The following ASB4 variants were observed in gnomAD, a reference collection of about 807,000 sequenced individuals.
ASB4 encodes ankyrin repeat and SOCS box containing 4, also known as ankyrin repeat and SOCS box protein 4.
In ASB4, 35 loss-of-function variants were observed where a neutral mutation model predicts 38.6. The observed-to-expected ratio is 0.91, with a 90% CI of 0.69 to 1.20. ASB4 has a LOEUF of 1.20. ASB4 is among the 50% of genes most tolerant of loss of function. The pLI is 0.00. For synonymous variants in ASB4, 195 were observed against 201.3 expected (o/e 0.97, Z 0.26); for missense variants, 557 against 527.2 (o/e 1.06, Z -0.55).
the ASB4 span, among the ~76,000 whole-genome samples, chr7:95,550,101 C>T: frequency 6.6e-6 from 1 of 152,156 alleles, no homozygotes; most frequent in Non-Finnish European, 1.5e-5. Context: ...ACTTTATGAA[C>T]CATGGTTTAC....
Position 95,528,062 on chromosome 7 carries a change from A to T in ASB4, c.737A>T (p.Asn246Ile), listed in dbSNP as rs1283344702. 1 of 1,614,192 alleles carries T rather than the reference A, an allele frequency of 6.2e-7. No individual in the cohort carries two copies. Among genetic ancestry groups the T allele is most frequent in the Non-Finnish European group, 8.5e-7 (1 of 1,180,038 alleles). Residue 246 changes from asparagine to isoleucine, a missense_variant, in exon 3 of 5, where the codon AAT becomes ATT. Asn to Ile is a moderately radical substitution (Grantham distance 149). Transcript: ENST00000325885. ...RMLLDYKAEV[N>I]ARDDDFKSPL... is the part of the protein sequence containing the mutation. The stretch of plus-strand genomic sequence containing the variant: ...CTGCTTGACTACAAAGCCGAAGTCA[A>T]TGCCCGAGATGACGACTTTAAATCT...
the ASB4 span, among the ~76,000 whole-genome samples, chr7:95,548,008 A>G: frequency 4.6e-5 from 7 of 152,196 alleles, no homozygotes; most frequent in Non-Finnish European, 1.5e-5. Flanking sequence ...GAGAGTCTTG[A>G]CTAATACAAT....
chr7:95,543,374 C>T (rs1584101987), downstream of ASB4: 2 of 125,410 alleles, frequency 1.6e-5, no homozygotes, highest in East Asian at 2.8e-4. Flanking sequence ...CCACAGATAG[C>T]CCTTAATTAG....
At chr7:95,546,342 C>A in the ASB4 span, among the ~76,000 whole-genome samples, 1 of 152,198 alleles carries the variant, frequency 6.6e-6, no homozygotes, top group Non-Finnish European at 1.5e-5. Context: ...CATTTGTAGA[C>A]ATGGGCCGCA....
At chr7:95,496,170 C>A in intron 2 of ASB4, 113 bp downstream of exon 2, 3 of 990,694 alleles carry the variant, frequency 3.0e-6, no homozygotes, top group Admixed American at 2.4e-5. Flanking sequence ...TGCAATTATG[C>A]CTAGTACAGA....
In ASB4 at chr7:95,480,875, C is replaced by A. The variant is rs114649731; in HGVS notation, n.157+2275C>A. Among the ~76,000 whole-genome samples, 945 of 152,006 alleles carry A rather than the reference C, an allele frequency of 6.2e-3. 11 individuals carry two copies. Among genetic ancestry groups the A allele is most frequent in the African/African-American group, 0.022 (910 of 41,414 alleles). On this transcript the variant is annotated intron_variant and non_coding_transcript_variant, in intron 1 of 1. Coordinates refer to the ASB4 transcript ENST00000257621. ...TACAGTGTCTGGCTCATAGTAAGTTCCCAAAAAATATTTATTGAATGAAGG... is the reference window on the plus strand; with the variant it reads ...TACAGTGTCTGGCTCATAGTAAGTTACCAAAAAATATTTATTGAATGAAGG...
chr7:95,471,253 C>T, the ASB4 span, among the ~76,000 whole-genome samples: 6 of 152,122 alleles, frequency 3.9e-5, no homozygotes, highest in African/African-American at 1.4e-4. Context: ...CCATGGAAAA[C>T]AGAGTTGGTG....
chr7:95,500,745 C>T (rs752063174), intron 2 of ASB4, among the ~76,000 whole-genome samples: 6 of 152,034 alleles, frequency 3.9e-5, no homozygotes, highest in African/African-American at 9.7e-5. Context: ...AAGACTGGAA[C>T]CTTTCAGTTA....
chr7:95,534,875 C>T (rs1790866923), intron 3 of ASB4, among the ~76,000 whole-genome samples: 1 of 152,268 alleles, frequency 6.6e-6, no homozygotes, highest in Admixed American at 6.5e-5. Flanking sequence ...AATATCATCC[C>T]TTCTCGTTAA....
At chr7:95,513,607 C>T (rs566238288) in intron 2 of ASB4, among the ~76,000 whole-genome samples, 1 of 152,256 alleles carries the variant, frequency 6.6e-6, no homozygotes, top group East Asian at 1.9e-4. Context: ...AAAACAACAT[C>T]ACAGAAACAT....
At chr7:95,537,389 C>A (rs770020838) in intron 4 of ASB4, among the ~76,000 whole-genome samples, 182 bp from the exon 5 acceptor site, 48 of 152,152 alleles carry the variant, frequency 3.2e-4, no homozygotes, top group Non-Finnish European at 6.3e-4. Flanking sequence ...TTTCCCCTCC[C>A]CTTTCCTTGT....
rs1427287729 is a variant in ASB4, at chr7:95,538,362, A to G, written c.*603A>G. The G allele has an allele frequency of 2.0e-5, 3 of 152,276 alleles. No individual in the cohort carries two copies. The highest frequency in any genetic ancestry group is 2.9e-5 in the Non-Finnish European group (2 of 68,090). 9.4% of individuals were successfully genotyped at this position (152,276 alleles called of 1,614,324 possible). On this transcript the variant is annotated 3_prime_UTR_variant, in exon 5 of 5. Coordinates refer to ENST00000325885, the MANE Select transcript of ASB4 (RefSeq NM_016116.3). The stretch of plus-strand genomic sequence containing the variant: ...AGAAACATCAGTCCAGTTAATAGTC[A>G]AGAATGGACATTTGAACCAGACATC...
upstream of ASB4, among the ~76,000 whole-genome samples, chr7:95,476,848 C>T (rs1789982321): frequency 6.6e-6 from 1 of 152,182 alleles, no homozygotes; most frequent in African/African-American, 2.4e-5. Context: ...GAATGTTCTT[C>T]TTAATACCAT....
At chr7:95,515,378 TTTC>T (rs1790568667) in intron 2 of ASB4, among the ~76,000 whole-genome samples, 1 of 147,812 alleles carries the variant, frequency 6.8e-6, no homozygotes, top group Non-Finnish European at 1.5e-5. Flanking sequence ...CTTTCTTTCT[TTTC>T]TTTTCTTTTT....
chr7:95,486,165 AC>A lies in ASB4; in HGVS notation c.187+8del. The A allele has an allele frequency of 6.2e-7, 1 of 1,609,462 alleles. No individual in the cohort carries two copies. The highest frequency in any genetic ancestry group is 8.5e-7 in the Non-Finnish European group (1 of 1,176,680). The stretch of plus-strand genomic sequence containing the variant: ...TTGGCATCTTATAAACAAGGTAAAA[AC>A]ATATAGGTGTTATTGTAGAACTGTT... On this transcript the variant is annotated splice_region_variant and intron_variant, in intron 1 of 4. Transcript: ENST00000325885.
At chr7:95,481,999 G>GAGTTGAA (rs1189899560), upstream of ASB4, among the ~76,000 whole-genome samples, 4 of 152,172 alleles carry the variant, frequency 2.6e-5, no homozygotes, top group Non-Finnish European at 5.9e-5. Flanking sequence ...TTGAAGCGGT[G>GAGTTGAA]GCTTGGATAG....
intron 3 of ASB4, among the ~76,000 whole-genome samples, chr7:95,534,785 G>T (rs190697470): frequency 6.6e-6 from 1 of 152,134 alleles, no homozygotes; most frequent in Non-Finnish European, 1.5e-5. Context: ...ACAAAAAACA[G>T]GTCATAAATC....
intron 3 of ASB4, among the ~76,000 whole-genome samples, chr7:95,531,261 T>C (rs1283257014): frequency 6.6e-6 from 1 of 152,218 alleles, no homozygotes; most frequent in Non-Finnish European, 1.5e-5. Flanking sequence ...TCCATCTTTT[T>C]TTCTTACCTA....
At chr7:95,516,315 T>G (rs1790582820) in intron 2 of ASB4, among the ~76,000 whole-genome samples, 1 of 152,136 alleles carries the variant, frequency 6.6e-6, no homozygotes, top group Admixed American at 6.5e-5. Flanking sequence ...TTATCTATGG[T>G]TACTTTGCAA....
Sources: gnomAD v4.1 joint callset for allele counts (sites outside exome capture counted in the v4.1 genomes callset) on GRCh38, gnomAD v4.1.1 for gene constraint, MANE v1.5 for transcripts, NCBI Gene and HGNC (gene_info 2026-07-23, HGNC 2026-07-21) for gene names.